SLC9A8: variants seen among roughly 807,000 people sequenced by gnomAD.
SLC9A8 encodes solute carrier family 9 member A8.
In SLC9A8, 48 loss-of-function variants were observed where a neutral mutation model predicts 66.6. The observed-to-expected ratio is 0.72, with a 90% confidence interval of 0.57 to 0.92. The LOEUF (loss-of-function observed/expected upper bound fraction) is 0.92. SLC9A8 is among the 40% of genes least tolerant of loss of function. SLC9A8 has a pLI of 0.00. For synonymous variants in SLC9A8, 274 were observed against 282.6 expected, an observed-to-expected ratio of 0.97 and a Z score of 0.31; for missense variants, 599 against 747.3, an observed-to-expected ratio of 0.80 and a Z score of 2.31.
chr20:49,833,718 C>T (rs1048579046), intron 3 of SLC9A8, among the ~76,000 whole-genome samples: 3 of 152,168 alleles, frequency 2.0e-5, no homozygotes, highest in Non-Finnish European at 4.4e-5. Flanking sequence ...TTCTTAAACT[C>T]TCTGAGCTTC....
At chr20:49,851,429 A>G (rs1286034279) in intron 7 of SLC9A8, among the ~76,000 whole-genome samples, 1 of 152,210 alleles carries the variant, frequency 6.6e-6, no homozygotes, top group Non-Finnish European at 1.5e-5. Flanking sequence ...CTCAGAAGGT[A>G]CCAGATCTAG....
chr20:49,817,090 T>C lies in SLC9A8; in HGVS notation c.208+1901T>C, dbSNP rs146889518. Among the ~76,000 whole-genome samples, 632 of 149,704 alleles carry C rather than the reference T, an allele frequency of 4.2e-3. 3 individuals carry two copies. Among genetic ancestry groups the C allele is most frequent in the African/African-American group, 0.015 (611 of 41,104 alleles). ...CACCTATAATCCCAGCACTTTCGCG[T>C]GGATCATCTAAGGTCAGGAGTTCGA... On this transcript the variant is annotated intron_variant, in intron 2 of 15. Coordinates refer to ENST00000361573, the MANE Select transcript of SLC9A8 (RefSeq NM_015266.3).
intron 3 of SLC9A8, among the ~76,000 whole-genome samples, chr20:49,834,171 CTCTCTCTCTCTCTCTATATA>C (rs1159385411): frequency 6.3e-4 from 37 of 58,906 alleles, no homozygotes; most frequent in Middle Eastern, 7.8e-3. Flanking sequence ...CTCTCTCTCT[CTCTCTCTCTCTCTCTATATA>C]TATATATATA....
In SLC9A8 at chr20:49,887,835, C is replaced by A; in HGVS notation, c.1645C>A (p.His549Asn). Residue 549 changes from histidine to asparagine, a missense_variant, in exon 16 of 16, where the codon CAC becomes AAC. This residue lies in a region of SLC9A8 where 467 missense variants were observed against 626.5 expected (regional missense o/e 0.75). Coordinates refer to ENST00000361573, the MANE Select transcript of SLC9A8 (RefSeq NM_015266.3). ...GTTGTGTCTCTCGACCCAGGACCTG[C>A]ACCACGGGCGCATCCAGATGAAAAC... ...FTRRLTQEDL[H>N]HGRIQMKTLT... 2 of 1,604,996 alleles carry A rather than the reference C, an allele frequency of 1.2e-6. No individual in the cohort carries two copies. Among genetic ancestry groups the A allele is most frequent in the Non-Finnish European group, 1.7e-6 (2 of 1,174,798 alleles).
At chr20:49,814,399 C>T (rs1169570483) in intron 1 of SLC9A8, among the ~76,000 whole-genome samples, 1 of 152,138 alleles carries the variant, frequency 6.6e-6, no homozygotes, top group Non-Finnish European at 1.5e-5. Flanking sequence ...GTCACAGTAA[C>T]AGTTATTATA....
rs1401181799 is a variant in SLC9A8 at position 49,874,724 on chromosome 20, C to T, written c.978C>T (p.Phe326=). ...ISLSGIMAIL[F]SGIVMSHYTH... is the part of the protein sequence containing the mutation. ...CTCTAGGCATCATGGCCATCCTTTT[C>T]TCAGGCATCGTGATGTCCCACTACA... is the stretch of plus-strand genomic sequence containing the variant. Residue 326 remains phenylalanine, a synonymous_variant, in exon 11 of 16, where the codon TTC becomes TTT. Coordinates refer to ENST00000361573, the MANE Select transcript of SLC9A8 (RefSeq NM_015266.3). 1.9e-6 allele frequency: 3 copies of T among 1,610,340 alleles called. No homozygotes were observed. In the East Asian group the frequency reaches 6.7e-5, roughly 36 times the overall value.
At chr20:49,864,577 G>T (rs2088885062) in intron 9 of SLC9A8, among the ~76,000 whole-genome samples, 162 bp from the exon 10 acceptor site, 1 of 152,138 alleles carries the variant, frequency 6.6e-6, no homozygotes, top group Non-Finnish European at 1.5e-5. Context: ...TCCCTACAAA[G>T]GAAAAAATCC....
At position 49,887,912 on chromosome 20, in the gene SLC9A8, G is replaced by GGAC. The variant is rs765102630; in HGVS notation, c.1728_1730dup (p.Asp576dup). The GGAC allele has an allele frequency of 5.0e-6, 8 of 1,613,842 alleles. No homozygotes were observed. Among genetic ancestry groups the GGAC allele is most frequent in the Non-Finnish European group, 6.8e-6 (8 of 1,179,920 alleles). Reference sequence around the variant, plus strand: ...TACGCCAGGGCCCCTCCGGCTCCGAGGACGACGAGCAGGAGCTGCTCTGAC... The same window carrying GGAC: ...TACGCCAGGGCCCCTCCGGCTCCGAGGACGACGACGAGCAGGAGCTGCTCTGAC... On this transcript the variant is annotated inframe_insertion, in exon 16 of 16. Coordinates refer to ENST00000361573, the MANE Select transcript of SLC9A8 (RefSeq NM_015266.3).
In SLC9A8 at chr20:49,834,388, G is replaced by GTGTATATATATATACTGTA. The variant is rs2087408728; in HGVS notation, c.290-5152_290-5151insGTATATATATATACTGTAT. ...TACTGTGTATATATATATATACTGT[G>GTGTATATATATATACTGTA]TATATATATATACTGTGTATATATA... On this transcript the variant is annotated intron_variant, in intron 3 of 15. Transcript: ENST00000361573. 1.0e-4 allele frequency among the ~76,000 whole-genome samples: 6 copies of GTGTATATATATATACTGTA among 58,842 alleles called. 1 individual carries two copies. The highest frequency in any genetic ancestry group is 3.2e-4 in the East Asian group (1 of 3,156). The allele number at this position is 58,842 out of a possible 152,430, so 38.6% of individuals were successfully genotyped here.
chr20:49,888,156 T>G lies in SLC9A8; in HGVS notation c.*220T>G. 1 of 477,764 alleles carries G rather than the reference T, an allele frequency of 2.1e-6. No homozygotes were observed. Among genetic ancestry groups the G allele is most frequent in the South Asian group, 2.1e-5 (1 of 48,514 alleles). 29.6% of individuals were successfully genotyped at this position (477,764 alleles called of 1,614,324 possible). ...AAACTGTCATCTCCCGACTCCTCCCTGAGCCAGCCTCCGCTCAGTGTGGCT... is the reference window on the plus strand; with the variant it reads ...AAACTGTCATCTCCCGACTCCTCCCGGAGCCAGCCTCCGCTCAGTGTGGCT... On this transcript the variant is annotated 3_prime_UTR_variant, in exon 16 of 16. Coordinates refer to ENST00000361573, the MANE Select transcript of SLC9A8 (RefSeq NM_015266.3).
At chr20:49,848,988 T>C (rs546136171) in intron 5 of SLC9A8, among the ~76,000 whole-genome samples, 1 of 152,100 alleles carries the variant, frequency 6.6e-6, no homozygotes, top group South Asian at 2.1e-4. Context: ...AAGTGCAAAA[T>C]TGCAGTCTTG....
At chr20:49,871,313 T>C (rs1392335345) in intron 10 of SLC9A8, among the ~76,000 whole-genome samples, 1 of 152,220 alleles carries the variant, frequency 6.6e-6, no homozygotes, top group East Asian at 1.9e-4. Flanking sequence ...AATCCCATAC[T>C]GTCTTCCTTT....
At chr20:49,876,947 T>C (rs959724052) in intron 11 of SLC9A8, among the ~76,000 whole-genome samples, 12 of 152,250 alleles carry the variant, frequency 7.9e-5, no homozygotes, top group Non-Finnish European at 1.8e-4. Context: ...AGGAAAAACA[T>C]TGTTAGAATG....
chr20:49,832,564 T>C (rs1166410654), intron 3 of SLC9A8, among the ~76,000 whole-genome samples: 2 of 152,202 alleles, frequency 1.3e-5, no homozygotes, highest in Non-Finnish European at 2.9e-5. Context: ...ATGTATATTA[T>C]AAGGCAGCCA....
chr20:49,871,655 C>T (rs1328879955), intron 10 of SLC9A8, among the ~76,000 whole-genome samples: 5 of 152,118 alleles, frequency 3.3e-5, no homozygotes, highest in Admixed American at 2.0e-4. Context: ...TTGAGCCATC[C>T]CTCTGGCTTT....
At chr20:49,828,683 A>G (rs1009233947) in intron 3 of SLC9A8, among the ~76,000 whole-genome samples, 2 of 151,728 alleles carry the variant, frequency 1.3e-5, no homozygotes, top group African/African-American at 4.8e-5. Context: ...TATTAAAAAT[A>G]CAAAAATTAC....
chr20:49,812,921 G>T lies in SLC9A8; in HGVS notation c.-2G>T. The T allele has an allele frequency of 6.7e-7, 1 of 1,486,526 alleles. No individual in the cohort carries two copies. The allele number at this position is 1,486,526 out of a possible 1,614,324, so 92.1% of individuals were successfully genotyped here. Reference sequence around the variant, plus strand: ...ACTCGGTGGTCCTGGAAGCTCCGCAGGATGGGGGAGAAGATGGCGGAAGAG... The same window carrying T: ...ACTCGGTGGTCCTGGAAGCTCCGCATGATGGGGGAGAAGATGGCGGAAGAG... On this transcript the variant is annotated 5_prime_UTR_variant, in exon 1 of 16. It adds an upstream start codon to the 5' untranslated region. Coordinates refer to ENST00000361573, the MANE Select transcript of SLC9A8 (RefSeq NM_015266.3).
chr20:49,817,610 TAGTG>T (rs2086601027), intron 2 of SLC9A8, among the ~76,000 whole-genome samples: 1 of 152,130 alleles, frequency 6.6e-6, no homozygotes, highest in African/African-American at 2.4e-5. Flanking sequence ...CTGGGCAACA[TAGTG>T]AGACTCTGTC....
chr20:49,813,477 G>A (rs2086433852), intron 1 of SLC9A8, among the ~76,000 whole-genome samples: 2 of 152,230 alleles, frequency 1.3e-5, no homozygotes, highest in African/African-American at 4.8e-5. Context: ...ATTCTAGTGG[G>A]AAAAGAAGAC....
Sources: allele counts gnomAD v4.1 joint callset (sites outside exome capture counted in the v4.1 genomes callset), GRCh38; gene constraint gnomAD v4.1.1; regional missense constraint gnomAD v4.1.1; transcripts MANE v1.5; gene names NCBI Gene and HGNC (gene_info 2026-07-23, HGNC 2026-07-21).